MKLN1: variants seen among roughly 807,000 people sequenced by gnomAD.
MKLN1 encodes muskelin 1, also known as muskelin.
In MKLN1, 18 loss-of-function variants were observed where a neutral mutation model predicts 99.0. The ratio of observed to expected loss-of-function variants is 0.18; its 90% confidence interval spans 0.13 to 0.27. The LOEUF (loss-of-function observed/expected upper bound fraction) is 0.27, where lower values mean the gene tolerates loss of function less well. MKLN1 is among the 10% of genes least tolerant of loss of function. The pLI is 1.00. For missense variants in MKLN1, 621 were observed against 875.9 expected, an observed-to-expected ratio of 0.71 and a Z score of 3.67; for synonymous variants, 288 against 293.2, an observed-to-expected ratio of 0.98 and a Z score of 0.18.
intron 17 of MKLN1, among the ~76,000 whole-genome samples, chr7:131,479,553 G>A (rs1387856281): frequency 4.7e-5 from 7 of 150,020 alleles, no homozygotes; most frequent in Middle Eastern, 3.6e-3. Context: ...TAGGCCGGGC[G>A]TGGTGGCTCA....
At chr7:131,180,914 T>C (rs1796369120) in intron 2 of MKLN1, among the ~76,000 whole-genome samples, 1 of 152,152 alleles carries the variant, frequency 6.6e-6, no homozygotes, top group South Asian at 2.1e-4. Context: ...CATAAATGAC[T>C]TTCTATGTAC....
rs760917460 is a variant in MKLN1 at position 131,327,948 on chromosome 7, C to G, written c.49C>G (p.Pro17Ala). ...VAAAPECRLL[P>A]YALHKWSSFS... ...TGCGGCGCCCGAGTGCCGGCTTCTC[C>G]CCTACGCGCTACACAAGTGGAGCTC... Residue 17 changes from proline to alanine, a missense_variant, in exon 1 of 18, where the codon CCC (proline) becomes GCC (alanine). Pro to Ala is a conservative substitution (Grantham distance 27, BLOSUM62 -1). Transcript: ENST00000352689. 1 of 1,613,816 alleles carries G rather than the reference C, an allele frequency of 6.2e-7. No homozygotes were observed. The highest frequency in any genetic ancestry group is 1.7e-5 in the Admixed American group (1 of 60,018).
chr7:131,354,445 A>G (rs1799813567), intron 1 of MKLN1, among the ~76,000 whole-genome samples: 3 of 149,956 alleles, frequency 2.0e-5, no homozygotes, highest in South Asian at 4.2e-4. Context: ...AGTATATAGA[A>G]ATGCATTTGA....
At chr7:131,328,799 A>C (rs1435227649) in intron 1 of MKLN1, among the ~76,000 whole-genome samples, 1 of 152,214 alleles carries the variant, frequency 6.6e-6, no homozygotes, top group African/African-American at 2.4e-5. Flanking sequence ...TGTTAAAAAA[A>C]TTCAGTTGCA....
intron 17 of MKLN1, among the ~76,000 whole-genome samples, chr7:131,479,850 TTAAATAAA>T (rs113026848): frequency 2.4e-4 from 34 of 143,142 alleles, no homozygotes; most frequent in African/African-American, 4.9e-4. Flanking sequence ...AATAATAAAT[TTAAATAAA>T]TAAATAAATA....
At chr7:131,466,906 C>T (rs980500659) in intron 15 of MKLN1, among the ~76,000 whole-genome samples, 6 of 144,862 alleles carry the variant, frequency 4.1e-5, no homozygotes, top group East Asian at 4.1e-4. Context: ...TATACATATA[C>T]ACACACACAC....
rs1797497968 is a variant in MKLN1, at chr7:131,494,396, A to G, written c.*6668A>G. The G allele has an allele frequency of 6.6e-6, 1 of 152,200 alleles. No individual in the cohort carries two copies. Among genetic ancestry groups the G allele is most frequent in the Non-Finnish European group, 1.5e-5 (1 of 68,030 alleles). The allele number at this position is 152,200 out of a possible 1,614,324, so 9.4% of individuals were successfully genotyped here. A position where few individuals can be genotyped will look rare whatever the true frequency, so the allele number is the denominator to read the frequency against. ...GATCCTACACCATTAGAGCCATGCC[A>G]TCAGGTGTTTGCAAGTGACAGCTGT... On this transcript the variant is annotated 3_prime_UTR_variant, in exon 18 of 18. Transcript: ENST00000352689.
chr7:131,128,320 G>A (rs1439643239), intron 1 of MKLN1, among the ~76,000 whole-genome samples: 1 of 152,168 alleles, frequency 6.6e-6, no homozygotes, highest in South Asian at 2.1e-4. Context: ...TATAATAGGG[G>A]TGATATGTGC....
intron 3 of MKLN1, among the ~76,000 whole-genome samples, chr7:131,322,073 T>C (rs981212980): frequency 1.4e-4 from 21 of 152,360 alleles, no homozygotes; most frequent in Admixed American, 2.6e-4. Context: ...TGGCTAGGAA[T>C]TGAACTCAGG....
chr7:131,267,595 T>C (rs1419096563), intron 3 of MKLN1, among the ~76,000 whole-genome samples: 2 of 152,148 alleles, frequency 1.3e-5, no homozygotes, highest in Non-Finnish European at 2.9e-5. Context: ...CTTTAGAGAG[T>C]TGACCAGTAG....
At chr7:131,115,876 C>T (rs538747000) in intron 1 of MKLN1, among the ~76,000 whole-genome samples, 26 of 152,300 alleles carry the variant, frequency 1.7e-4, no homozygotes, top group African/African-American at 5.5e-4. Flanking sequence ...TCTCTCTCCA[C>T]GTTTCCAACC....
At chr7:131,384,286 A>G (rs772280733) in intron 2 of MKLN1, among the ~76,000 whole-genome samples, 2 of 138,304 alleles carry the variant, frequency 1.4e-5, no homozygotes, top group African/African-American at 2.7e-5. Flanking sequence ...ATAAAGTGTT[A>G]GTAAATGTAA....
At chr7:131,436,484 A>G (rs1795678811) in intron 9 of MKLN1, among the ~76,000 whole-genome samples, 1 of 152,212 alleles carries the variant, frequency 6.6e-6, no homozygotes. Context: ...TTTTTCTTCT[A>G]GAAAAAATAA....
At chr7:131,413,479 T>C (rs1794933775) in intron 7 of MKLN1, among the ~76,000 whole-genome samples, 1 of 152,168 alleles carries the variant, frequency 6.6e-6, no homozygotes, top group Non-Finnish European at 1.5e-5. Flanking sequence ...CCTTAGGCTT[T>C]CTAGTTCATA....
intron 13 of MKLN1, 70 bp from the exon 14 acceptor site, chr7:131,464,224 A>T: frequency 1.2e-6 from 1 of 858,972 alleles, no homozygotes. Flanking sequence ...CATGCAGTTA[A>T]TTTGCTTGCT....
chr7:131,421,963 A>G (rs1696338919), intron 8 of MKLN1, among the ~76,000 whole-genome samples: 1 of 152,342 alleles, frequency 6.6e-6, no homozygotes, highest in South Asian at 2.1e-4. Flanking sequence ...ACTAAAGTGC[A>G]TATAAGAATT....
At chr7:131,372,580 A>G (rs1304149195) in intron 1 of MKLN1, among the ~76,000 whole-genome samples, 3 of 152,084 alleles carry the variant, frequency 2.0e-5, no homozygotes, top group Non-Finnish European at 4.4e-5. Context: ...CTATGACATT[A>G]AAGTCAAGCT....
At chr7:131,328,189 G>C in intron 1 of MKLN1, 192 bp downstream of exon 1, 3 of 684,592 alleles carry the variant, frequency 4.4e-6, no homozygotes, top group South Asian at 2.0e-5. Flanking sequence ...TTAGGGTCCG[G>C]AGAGCGAGCC....
At chr7:131,276,573 C>G (rs918267910) in intron 3 of MKLN1, among the ~76,000 whole-genome samples, 17 of 152,096 alleles carry the variant, frequency 1.1e-4, no homozygotes, top group African/African-American at 3.9e-4. Flanking sequence ...CACCATTTTT[C>G]TTTTCCCTCT....
Sources: allele counts gnomAD v4.1 joint callset (sites outside exome capture counted in the v4.1 genomes callset), GRCh38; gene constraint gnomAD v4.1.1; transcripts MANE v1.5; gene names NCBI Gene and HGNC (gene_info 2026-07-23, HGNC 2026-07-21).